Variants in LAMA2 observed in about 807,000 individuals in gnomAD.
The protein encoded by LAMA2 is laminin subunit alpha-2.
In LAMA2, 269 loss-of-function variants were observed where a neutral mutation model predicts 364.8. That is an observed-to-expected ratio of 0.74 (90% confidence interval 0.67 to 0.82). LAMA2 has a LOEUF of 0.82. Ranked by LOEUF, LAMA2 falls within the 40% of genes least tolerant of loss-of-function variation. The pLI is 0.00. For missense variants in LAMA2, 3,807 were observed against 3,873.2 expected (o/e 0.98, Z 0.45); for synonymous variants, 1,379 against 1,370.6 (o/e 1.01, Z -0.14).
chr6:129,473,734 A>T (rs1448208601), intron 52 of LAMA2, among the ~76,000 whole-genome samples: 1 of 152,034 alleles, frequency 6.6e-6, no homozygotes, highest in Non-Finnish European at 1.5e-5. Flanking sequence ...GTGTTCCAGG[A>T]TGCTATGAGT....
Position 129,512,394 on chromosome 6 carries a change from T to A in LAMA2, c.8889T>A (p.Leu2963=). 1 of 1,613,772 alleles carries A rather than the reference T, an allele frequency of 6.2e-7. No individual in the cohort carries two copies. Among genetic ancestry groups the A allele is most frequent in the Non-Finnish European group, 8.5e-7 (1 of 1,179,678 alleles). ...GATTCAAAGTGGGATTGGACCTTCT[T>A]GTAGAATTTGAATTCCGCACAACTA... ...VGGFKVGLDL[L]VEFEFRTTTT... is the part of the protein sequence containing the mutation. Residue 2963 remains leucine, a synonymous_variant, in exon 63 of 65, where the codon CTT becomes CTA. Coordinates refer to ENST00000421865, the MANE Select transcript of LAMA2 (RefSeq NM_000426.4).
intron 22 of LAMA2, among the ~76,000 whole-genome samples, chr6:129,304,450 A>G (rs1773743530): frequency 6.6e-6 from 1 of 152,064 alleles, no homozygotes. Context: ...TTTTTAGTAG[A>G]GACGGGGTTT....
chr6:129,487,613 T>G (rs1023294343), intron 56 of LAMA2, among the ~76,000 whole-genome samples: 3 of 152,202 alleles, frequency 2.0e-5, no homozygotes, highest in Admixed American at 2.0e-4. Flanking sequence ...AGACCTACAT[T>G]TACTAATTAT....
At chr6:129,014,363 T>A (rs140216414) in intron 1 of LAMA2, among the ~76,000 whole-genome samples, 1 of 152,214 alleles carries the variant, frequency 6.6e-6, no homozygotes, top group Admixed American at 6.5e-5. Flanking sequence ...ACCATTTCAG[T>A]TGACAGGTCT....
intron 1 of LAMA2, among the ~76,000 whole-genome samples, chr6:129,049,392 T>A (rs1369144882): frequency 6.6e-6 from 1 of 152,152 alleles, no homozygotes; most frequent in African/African-American, 2.4e-5. Context: ...GCAGTAAAAA[T>A]TGGTATTCCA....
chr6:129,166,863 A>C (rs1779772606), intron 9 of LAMA2, among the ~76,000 whole-genome samples: 1 of 152,076 alleles, frequency 6.6e-6, no homozygotes, highest in African/African-American at 2.4e-5. Context: ...ATCTATGAAA[A>C]CTTTCTCTGA....
chr6:129,378,727 C>CA (rs905232714), intron 34 of LAMA2, among the ~76,000 whole-genome samples: 17 of 150,112 alleles, frequency 1.1e-4, no homozygotes, highest in African/African-American at 2.4e-4. Flanking sequence ...GTCTGTGAGA[C>CA]AAAAAAAAAG....
intron 1 of LAMA2, among the ~76,000 whole-genome samples, chr6:128,949,690 C>T (rs1405074379): frequency 6.6e-6 from 1 of 152,074 alleles, no homozygotes; most frequent in Non-Finnish European, 1.5e-5. Flanking sequence ...AAAACAGATA[C>T]ATTCAGTGAT....
At chr6:129,182,394 C>G (rs1780983842) in intron 10 of LAMA2, among the ~76,000 whole-genome samples, 1 of 151,374 alleles carries the variant, frequency 6.6e-6, no homozygotes, top group African/African-American at 2.4e-5. Flanking sequence ...CAAACATTTA[C>G]CCCAAAAAAC....
intron 40 of LAMA2, among the ~76,000 whole-genome samples, chr6:129,420,743 C>T (rs1470700473): frequency 6.6e-6 from 1 of 152,072 alleles, no homozygotes; most frequent in African/African-American, 2.4e-5. Context: ...GCAATGTAAA[C>T]AATAACTTTT....
Position 129,478,739 on chromosome 6 carries a change from G to T in LAMA2, c.7498G>T (p.Glu2500Ter). Residue 2500 changes from glutamate to a stop codon, truncating the protein, a stop_gained, in exon 54 of 65, where the codon GAA becomes TAA. Coordinates refer to ENST00000421865, the MANE Select transcript of LAMA2 (RefSeq NM_000426.4). LOFTEE classifies it high-confidence loss of function. ...KKYSGCLKDI[E>*]ISRTPYNILS... ...ATATTCCGGCTGCCTCAAAGATATT[G>T]AAATTTCAAGAACTCCGTACAATAT... 6.2e-7 allele frequency: 1 copy of T among 1,612,850 alleles called. No individual in the cohort carries two copies. The highest frequency in any genetic ancestry group is 8.5e-7 in the Non-Finnish European group (1 of 1,178,910).
chr6:129,091,116 T>A (rs920896932), intron 3 of LAMA2, among the ~76,000 whole-genome samples: 4 of 152,156 alleles, frequency 2.6e-5, no homozygotes, highest in Non-Finnish European at 4.4e-5. Context: ...AAAAATGAAA[T>A]TGCATTACAT....
intron 55 of LAMA2, among the ~76,000 whole-genome samples, chr6:129,482,505 C>G (rs372048727): frequency 6.6e-6 from 1 of 152,000 alleles, no homozygotes; most frequent in African/African-American, 2.4e-5. Context: ...CTGCCATGAC[C>G]AAAAGAACAC....
chr6:129,293,672 A>G (rs1408863600), intron 20 of LAMA2, among the ~76,000 whole-genome samples: 3 of 75,634 alleles, frequency 4.0e-5, no homozygotes, highest in African/African-American at 1.1e-4. Flanking sequence ...GAAGGAAGAG[A>G]GGGAGGGAGG....
At chr6:129,416,964 G>T (rs945756619) in intron 40 of LAMA2, among the ~76,000 whole-genome samples, 1 of 152,164 alleles carries the variant, frequency 6.6e-6, no homozygotes, top group Non-Finnish European at 1.5e-5. Flanking sequence ...CAGGGAATGC[G>T]GTGGCACCCA....
intron 3 of LAMA2, among the ~76,000 whole-genome samples, chr6:129,083,872 A>G (rs1774215498): frequency 6.6e-6 from 1 of 152,166 alleles, no homozygotes; most frequent in African/African-American, 2.4e-5. Context: ...GGTATTTCAC[A>G]TGTATTATGT....
intron 12 of LAMA2, among the ~76,000 whole-genome samples, chr6:129,209,184 G>A (rs1345855342): frequency 2.0e-5 from 3 of 152,130 alleles, no homozygotes; most frequent in Admixed American, 1.3e-4. Context: ...AAGATGTGAT[G>A]GTTTTATATA....
At chr6:129,090,175 G>C (rs1774730394) in intron 3 of LAMA2, among the ~76,000 whole-genome samples, 2 of 152,080 alleles carry the variant, frequency 1.3e-5, no homozygotes, top group African/African-American at 2.4e-5. Context: ...CAAAAGTATA[G>C]AGAATACCGT....
intron 9 of LAMA2, among the ~76,000 whole-genome samples, chr6:129,172,524 C>A (rs138853489): frequency 0.028 from 4,296 of 152,340 alleles, 203 homozygotes; most frequent in African/African-American, 0.097. Flanking sequence ...AGGAGGCAGT[C>A]TGCCCGTTCT....
Sources: gnomAD v4.1 joint callset for allele counts (sites outside exome capture counted in the v4.1 genomes callset) on GRCh38, gnomAD v4.1.1 for gene constraint, MANE v1.5 for transcripts, NCBI Gene and HGNC (gene_info 2026-07-23, HGNC 2026-07-21) for gene names.